Variants in ARPC1A observed in about 807,000 individuals in gnomAD.
ARPC1A encodes the protein actin-related protein 2/3 complex subunit 1A.
In ARPC1A, 8 loss-of-function variants were observed where a neutral mutation model predicts 46.9. The ratio of observed to expected loss-of-function variants is 0.17; its 90% CI spans 0.10 to 0.31. ARPC1A has a LOEUF of 0.31. ARPC1A is among the 10% of genes least tolerant of loss of function. ARPC1A has a pLI of 1.00. For synonymous variants in ARPC1A, 152 were observed against 169.0 expected (o/e 0.90, Z 0.78); for missense variants, 286 against 483.6 (o/e 0.59, Z 3.83).
chr7:99,340,028 A>C (rs1359596933), intron 3 of ARPC1A: 2 of 455,816 alleles, frequency 4.4e-6, no homozygotes, highest in Admixed American at 4.7e-5. Context: ...TATTTTCCTG[A>C]TTCATGGAAA....
chr7:99,360,026 C>T (rs1352661736), intron 8 of ARPC1A: 1 of 468,796 alleles, frequency 2.1e-6, no homozygotes, highest in Non-Finnish European at 3.9e-6. Context: ...GTGGTGGGGC[C>T]TCAGGGCAGC....
intron 9 of ARPC1A, among the ~76,000 whole-genome samples, chr7:99,364,175 G>C (rs1302686742): frequency 6.6e-6 from 1 of 151,688 alleles, no homozygotes; most frequent in Non-Finnish European, 1.5e-5. Flanking sequence ...AGCTGGTCTT[G>C]AACTCCTGGC....
intron 5 of ARPC1A, among the ~76,000 whole-genome samples, chr7:99,353,377 C>A (rs1180259109): frequency 6.6e-6 from 1 of 152,110 alleles, no homozygotes; most frequent in Non-Finnish European, 1.5e-5. Flanking sequence ...CCAGGATGGT[C>A]TCGATCTCCT....
intron 8 of ARPC1A, 178 bp downstream of exon 8, chr7:99,359,916 G>C (rs1360086861): frequency 1.6e-5 from 12 of 745,380 alleles, no homozygotes; most frequent in Non-Finnish European, 2.4e-5. Flanking sequence ...CCAGCTCGTG[G>C]TAGGGAGGGA....
chr7:99,329,054 A>T (rs561015060), intron 1 of ARPC1A, among the ~76,000 whole-genome samples: 1 of 152,036 alleles, frequency 6.6e-6, no homozygotes, highest in East Asian at 1.9e-4. Flanking sequence ...TAATCCCAGC[A>T]CTTTGGGAGG....
At chr7:99,339,540 A>C (rs927020147) in intron 3 of ARPC1A, among the ~76,000 whole-genome samples, 7 of 152,186 alleles carry the variant, frequency 4.6e-5, no homozygotes, top group Non-Finnish European at 8.8e-5. Flanking sequence ...AAAAAGAAAA[A>C]AGAGAAAACA....
In ARPC1A at chr7:99,342,999, G is replaced by T. The variant is rs554019221; in HGVS notation, c.170-1294G>T. On this transcript the variant is annotated intron_variant, in intron 3 of 9. Transcript: ENST00000262942. ...GGCCTCCCAAAGAGCCACCGCGCCC[G>T]GCCTAACTCTTCAGTCACTATGACT... Among the ~76,000 whole-genome samples the T allele has an allele frequency of 2.6e-3, 391 of 152,084 alleles. 3 individuals are homozygous for T. The highest frequency in any genetic ancestry group is 9.1e-3 in the African/African-American group (379 of 41,478).
chr7:99,365,772 A>G, intron 9 of ARPC1A, 119 bp from the exon 10 acceptor site: 2 of 1,072,102 alleles, frequency 1.9e-6, no homozygotes, highest in South Asian at 2.8e-5. Flanking sequence ...CAGGTGGGGC[A>G]GGGCCAGGTT....
intron 3 of ARPC1A, among the ~76,000 whole-genome samples, chr7:99,340,887 A>C (rs1793346428): frequency 6.6e-6 from 1 of 152,224 alleles, no homozygotes; most frequent in Non-Finnish European, 1.5e-5. Context: ...AAGCAGCACC[A>C]AAGACAGCGT....
Position 99,366,118 on chromosome 7 carries a change from GTT to G in ARPC1A, c.*195_*196del. On this transcript the variant is annotated 3_prime_UTR_variant, in exon 10 of 10. Transcript: ENST00000262942. The stretch of plus-strand genomic sequence containing the variant: ...TTTTAAGGCAGTAATTTTTTTGTTT[GTT>G]TTTTTGCGATTTCATTCCATTCTTG... The G allele has an allele frequency of 3.0e-6, 2 of 667,238 alleles. No homozygotes were observed. The highest frequency in any genetic ancestry group is 4.9e-6 in the Non-Finnish European group (2 of 407,950). 41.3% of individuals were successfully genotyped at this position (667,238 alleles called of 1,614,324 possible). A position where few individuals can be genotyped will look rare whatever the true frequency, so the allele number is the denominator to read the frequency against.
At chr7:99,356,559 C>T (rs573817513) in intron 6 of ARPC1A, among the ~76,000 whole-genome samples, 7 of 145,808 alleles carry the variant, frequency 4.8e-5, no homozygotes, top group Admixed American at 2.8e-4. Context: ...GAGCCAAGAT[C>T]GCACCACTGC....
In ARPC1A at chr7:99,365,887, C is replaced by T; in HGVS notation, c.1075-4C>T. ...ACATCAGTGCTCTTCCCACCTTTTC[C>T]AAGACCCTCGAGTCTTCCATCCAGG... On this transcript the variant is annotated splice_region_variant and splice_polypyrimidine_tract_variant and intron_variant, in intron 9 of 9. Coordinates refer to ENST00000262942, the MANE Select transcript of ARPC1A (RefSeq NM_006409.4). The T allele has an allele frequency of 1.3e-6, 2 of 1,572,312 alleles. No homozygotes were observed. The highest frequency in any genetic ancestry group is 1.7e-6 in the Non-Finnish European group (2 of 1,156,656).
chr7:99,343,118 A>T (rs75519184), intron 3 of ARPC1A, among the ~76,000 whole-genome samples: 3,621 of 152,168 alleles, frequency 0.024, 55 homozygotes, highest in South Asian at 0.041. Flanking sequence ...ATCTGTAATA[A>T]ATATTTATTA....
At chr7:99,352,970 AAT>A (rs35059598) in intron 5 of ARPC1A, among the ~76,000 whole-genome samples, 7 of 150,380 alleles carry the variant, frequency 4.7e-5, no homozygotes, top group Admixed American at 6.6e-5. Flanking sequence ...GTCCCCCAAA[AAT>A]ATATATATAT....
At position 99,353,893 on chromosome 7, in the gene ARPC1A, T is replaced by C; in HGVS notation, c.501-16T>C. 1 of 1,611,886 alleles carries C rather than the reference T, an allele frequency of 6.2e-7. No homozygotes were observed. The highest frequency in any genetic ancestry group is 1.1e-5 in the South Asian group (1 of 90,976). On this transcript the variant is annotated splice_polypyrimidine_tract_variant and intron_variant, in intron 5 of 9. Coordinates refer to ENST00000262942, the MANE Select transcript of ARPC1A (RefSeq NM_006409.4). ...TTTTCATTTGCTTTTTCCTTTTCTC[T>C]CTGCCCTTTAAACAGAGTGTTTTCT... is the stretch of plus-strand genomic sequence containing the variant.
chr7:99,365,322 A>C (rs911500361), intron 9 of ARPC1A, among the ~76,000 whole-genome samples: 9 of 151,412 alleles, frequency 5.9e-5, no homozygotes, highest in African/African-American at 1.9e-4. Context: ...GCACTGACCC[A>C]CTCCTGTAAT....
At chr7:99,345,835 AG>A (rs1793435502) in intron 4 of ARPC1A, among the ~76,000 whole-genome samples, 1 of 152,172 alleles carries the variant, frequency 6.6e-6, no homozygotes, top group South Asian at 2.1e-4. Flanking sequence ...TGAAATTGAA[AG>A]AAGGGGATTA....
intron 3 of ARPC1A, among the ~76,000 whole-genome samples, chr7:99,342,882 C>G (rs982595122): frequency 2.0e-5 from 3 of 151,730 alleles, no homozygotes; most frequent in Non-Finnish European, 2.9e-5. Flanking sequence ...GTCACCACGC[C>G]CGGCTAATTT....
At chr7:99,343,441 G>A (rs766621826) in intron 3 of ARPC1A, among the ~76,000 whole-genome samples, 13 of 151,478 alleles carry the variant, frequency 8.6e-5, no homozygotes, top group Non-Finnish European at 1.5e-4. Flanking sequence ...ACTCCACCCT[G>A]GGCTGCAAGA....
Sources: allele counts gnomAD v4.1 joint callset (sites outside exome capture counted in the v4.1 genomes callset), GRCh38; gene constraint gnomAD v4.1.1; transcripts MANE v1.5; gene names NCBI Gene and HGNC (gene_info 2026-07-23, HGNC 2026-07-21).